PRDM5: variants seen among roughly 807,000 people sequenced by gnomAD.
PRDM5 encodes the protein PR/SET domain 5.
Under a neutral mutation model 81.2 loss-of-function variants are expected in PRDM5, and 56 were observed. The observed-to-expected ratio is 0.69, with a 90% CI of 0.56 to 0.86. The LOEUF (loss-of-function observed/expected upper bound fraction) is 0.86, where lower values mean the gene tolerates loss of function less well. PRDM5 is among the 40% of genes least tolerant of loss of function. The pLI is 0.00. For missense variants in PRDM5, 697 were observed against 770.1 expected, an observed-to-expected ratio of 0.91 and a Z score of 1.12; for synonymous variants, 267 against 256.4, an observed-to-expected ratio of 1.04 and a Z score of -0.39.
intron 3 of PRDM5, among the ~76,000 whole-genome samples, chr4:120,842,895 G>A (rs1758182574): frequency 2.0e-5 from 3 of 152,132 alleles, no homozygotes; most frequent in Non-Finnish European, 4.4e-5. Context: ...TACAGAGGTA[G>A]GCTTTGTTAG....
At chr4:120,920,679 AT>A (rs1212155342) in intron 1 of PRDM5, among the ~76,000 whole-genome samples, 27 of 152,324 alleles carry the variant, frequency 1.8e-4, no homozygotes, top group African/African-American at 6.3e-4. Context: ...GTGACTGAAT[AT>A]TTTGGGATCA....
chr4:120,751,833 G>C (rs1744055716), intron 14 of PRDM5, among the ~76,000 whole-genome samples: 1 of 152,116 alleles, frequency 6.6e-6, no homozygotes, highest in Non-Finnish European at 1.5e-5. Context: ...TGTAAACCTG[G>C]GGGTATAGGC....
intron 13 of PRDM5, among the ~76,000 whole-genome samples, chr4:120,761,964 A>T (rs977590266): frequency 9.2e-5 from 14 of 152,136 alleles, no homozygotes; most frequent in Admixed American, 3.9e-4. Flanking sequence ...ACAATTTTTT[A>T]AAAAAGTGTA....
At chr4:120,764,724 T>C (rs547365082) in intron 13 of PRDM5, among the ~76,000 whole-genome samples, 5 of 152,164 alleles carry the variant, frequency 3.3e-5, no homozygotes, top group Non-Finnish European at 5.9e-5. Flanking sequence ...CATTCAAACA[T>C]TTCTTGGGGA....
At chr4:120,735,270 T>C (rs577145136) in intron 14 of PRDM5, among the ~76,000 whole-genome samples, 4 of 152,348 alleles carry the variant, frequency 2.6e-5, no homozygotes, top group Non-Finnish European at 4.4e-5. Flanking sequence ...AGGGAACTGA[T>C]TTTATTCCTA....
At chr4:120,737,262 A>G (rs1349969512) in intron 14 of PRDM5, among the ~76,000 whole-genome samples, 2 of 152,216 alleles carry the variant, frequency 1.3e-5, no homozygotes, top group African/African-American at 4.8e-5. Context: ...GTGTACATCA[A>G]TGCAGAGCAT....
intron 14 of PRDM5, among the ~76,000 whole-genome samples, chr4:120,749,128 C>T (rs1321209560): frequency 6.6e-6 from 1 of 151,924 alleles, no homozygotes; most frequent in African/African-American, 2.4e-5. Context: ...GAAAAATTTA[C>T]AGTCATTCTT....
intron 10 of PRDM5, among the ~76,000 whole-genome samples, chr4:120,793,537 A>G (rs1187083477): frequency 1.3e-5 from 2 of 152,232 alleles, no homozygotes; most frequent in African/African-American, 2.4e-5. Flanking sequence ...CCTGGCATCA[A>G]GAAAGCTGGG....
chr4:120,878,571 C>A (rs937874056), intron 2 of PRDM5, among the ~76,000 whole-genome samples: 4 of 152,044 alleles, frequency 2.6e-5, no homozygotes, highest in African/African-American at 9.7e-5. Context: ...GTAAGTTTGA[C>A]TTTATTAAAA....
intron 15 of PRDM5, among the ~76,000 whole-genome samples, chr4:120,698,263 C>T (rs1734808943): frequency 6.6e-6 from 1 of 152,200 alleles, no homozygotes; most frequent in Non-Finnish European, 1.5e-5. Context: ...ATTGCCAAAT[C>T]CTGGCACTTT....
chr4:120,806,729 C>A (rs1753024126), intron 8 of PRDM5, among the ~76,000 whole-genome samples: 2 of 152,056 alleles, frequency 1.3e-5, no homozygotes, highest in South Asian at 4.2e-4. Flanking sequence ...AATGTTAGAC[C>A]TAAAACCATA....
chr4:120,881,574 C>T (rs1901136), intron 2 of PRDM5, among the ~76,000 whole-genome samples: 37,203 of 152,044 alleles, frequency 0.24, 5,141 homozygotes, highest in African/African-American at 0.36. Context: ...TTACCATAGC[C>T]AGAGCACCAT....
chr4:120,843,906 T>G (rs1361151507), intron 3 of PRDM5, among the ~76,000 whole-genome samples: 2 of 151,980 alleles, frequency 1.3e-5, no homozygotes, highest in African/African-American at 4.8e-5. Context: ...GTCTATAAAG[T>G]CTTTATCTTT....
At chr4:120,882,472 C>T (rs1762953660) in intron 2 of PRDM5, among the ~76,000 whole-genome samples, 1 of 152,080 alleles carries the variant, frequency 6.6e-6, no homozygotes, top group East Asian at 1.9e-4. Context: ...TCATTTTGTC[C>T]TTTATTGTTC....
chr4:120,864,927 G>A (rs1373632565), intron 2 of PRDM5, among the ~76,000 whole-genome samples: 1 of 152,158 alleles, frequency 6.6e-6, no homozygotes, highest in Non-Finnish European at 1.5e-5. Flanking sequence ...ATGCTGCCAG[G>A]AGGTAGGATC....
chr4:120,736,247 T>C (rs938857096), intron 14 of PRDM5, among the ~76,000 whole-genome samples: 1 of 151,340 alleles, frequency 6.6e-6, no homozygotes, highest in African/African-American at 2.4e-5. Context: ...GTGTATCACA[T>C]TTTCTTTATC....
chr4:120,918,635 A>ATTTT (rs534148936), intron 1 of PRDM5, among the ~76,000 whole-genome samples: 74 of 110,624 alleles, frequency 6.7e-4, no homozygotes, highest in Non-Finnish European at 8.4e-4. Context: ...TACGTCAGGT[A>ATTTT]TTTTTTTTTT....
intron 13 of PRDM5, among the ~76,000 whole-genome samples, 189 bp downstream of exon 13, chr4:120,776,995 AGTTT>A (rs1179822259): frequency 2.6e-5 from 4 of 152,176 alleles, no homozygotes; most frequent in African/African-American, 9.6e-5. Context: ...TGTTTTACTT[AGTTT>A]AAGAAAATAT....
intron 2 of PRDM5, among the ~76,000 whole-genome samples, chr4:120,890,978 T>G (rs1230622657): frequency 1.3e-5 from 2 of 152,218 alleles, no homozygotes; most frequent in Admixed American, 6.5e-5. Context: ...TTAGTTTCAC[T>G]AGGCCCCATT....
Sources: allele counts gnomAD v4.1 joint callset (sites outside exome capture counted in the v4.1 genomes callset), GRCh38; gene constraint gnomAD v4.1.1; transcripts MANE v1.5; gene names NCBI Gene and HGNC (gene_info 2026-07-23, HGNC 2026-07-21).